Variants in PASK observed in about 807,000 individuals in gnomAD.
The protein encoded by PASK is PAS domain-containing serine/threonine-protein kinase.
Under a neutral mutation model 121.0 loss-of-function variants are expected in PASK, and 110 were observed. The ratio of observed to expected loss-of-function variants is 0.91; its 90% CI spans 0.78 to 1.06. The LOEUF (loss-of-function observed/expected upper bound fraction) is 1.06. PASK is among the 50% of genes least tolerant of loss of function. PASK has a pLI of 0.00. For missense variants in PASK, 1,643 were observed against 1,702.3 expected, an observed-to-expected ratio of 0.97 and a Z score of 0.61; for synonymous variants, 686 against 717.8, an observed-to-expected ratio of 0.96 and a Z score of 0.71.
intron 12 of PASK, among the ~76,000 whole-genome samples, chr2:241,117,838 T>C (rs965027324): frequency 6.6e-6 from 1 of 152,164 alleles, no homozygotes; most frequent in Non-Finnish European, 1.5e-5. Context: ...AAGGACTGAA[T>C]GTATAGTACC....
chr2:241,129,254 G>GC (rs2066017406), intron 9 of PASK, among the ~76,000 whole-genome samples: 1 of 152,214 alleles, frequency 6.6e-6, no homozygotes, highest in South Asian at 2.1e-4. Context: ...AGGCCCCTGG[G>GC]CAGCACTGCA....
rs1465074532 is a variant in PASK at position 241,115,993 on chromosome 2, GGGGCCACCATCGGTCCTCA to G, written c.3073-599_3073-581del. 9.0e-4 allele frequency among the ~76,000 whole-genome samples: 101 copies of G among 111,836 alleles called. 5 individuals are homozygous for G. Among genetic ancestry groups the G allele is most frequent in the Middle Eastern group, 6.2e-3 (1 of 162 alleles). 73.4% of individuals were successfully genotyped at this position (111,836 alleles called of 152,430 possible). ...GGTCCTCAAGCATCCCATTACACCA[GGGGCCACCATCGGTCCTCA>G]AGCATCCCATTACGCCAGGGCCACC... On this transcript the variant is annotated intron_variant, in intron 12 of 17. Coordinates refer to ENST00000234040, the MANE Select transcript of PASK (RefSeq NM_015148.4).
rs2066621863 is a variant in PASK at position 241,139,897 on chromosome 2, C to A, written c.588G>T (p.Val196=). ...HMEADGHAAV[V]FGTVVDIISR... is the part of the protein sequence containing the mutation. ...CGCATCCACTCACCACCGTGCCAAA[C>A]ACCACCGCAGCGTGGCCGTCGGCCT... The change falls in exon 4 of 18, where the codon GTG becomes GTT. Residue 196 remains valine, a synonymous_variant. Coordinates refer to ENST00000234040, the MANE Select transcript of PASK (RefSeq NM_015148.4). 5 of 1,614,172 alleles carry A rather than the reference C, an allele frequency of 3.1e-6. No homozygotes were observed. In the Admixed American group the frequency reaches 6.7e-5, roughly 22 times the overall value.
At chr2:241,135,512 T>C (rs2066369696) in intron 8 of PASK, among the ~76,000 whole-genome samples, 1 of 152,142 alleles carries the variant, frequency 6.6e-6, no homozygotes, top group Non-Finnish European at 1.5e-5. Context: ...GGTAATCCGA[T>C]ATGCTACATG....
At chr2:241,129,019 C>T (rs1370192948) in intron 9 of PASK, among the ~76,000 whole-genome samples, 2 of 118,002 alleles carry the variant, frequency 1.7e-5, no homozygotes. Context: ...CCATGTCTCC[C>T]GCCTCTCTCC....
At chr2:241,127,829 G>A in intron 9 of PASK, 1 of 355,316 alleles carries the variant, frequency 2.8e-6, no homozygotes, top group Admixed American at 3.9e-5. Context: ...GGAGGTGTGA[G>A]AGGAAACGAG....
intron 1 of PASK, among the ~76,000 whole-genome samples, chr2:241,144,147 AGC>A (rs1240252158): frequency 1.3e-5 from 2 of 150,882 alleles, no homozygotes; most frequent in African/African-American, 4.9e-5. Flanking sequence ...TGTGTACATG[AGC>A]GTGTGTGTGT....
At chr2:241,135,594 G>T (rs1414321366) in intron 8 of PASK, among the ~76,000 whole-genome samples, 2 of 151,950 alleles carry the variant, frequency 1.3e-5, no homozygotes, top group Admixed American at 1.3e-4. Flanking sequence ...GCTGTGTCTC[G>T]GATGCTGTGT....
At chr2:241,118,721 C>T in intron 12 of PASK, 1 of 215,824 alleles carries the variant, frequency 4.6e-6, no homozygotes, top group Non-Finnish European at 9.6e-6. Flanking sequence ...TTCTGCTTCC[C>T]AGTCTTCAGG....
rs550675198 is a variant in PASK, at chr2:241,108,048, G to T, written c.3667+119C>A. 1.0e-6 allele frequency: 1 copy of T among 984,392 alleles called. No individual in the cohort carries two copies. The highest frequency in any genetic ancestry group is 1.7e-5 in the Admixed American group (1 of 58,150). The allele number at this position is 984,392 out of a possible 1,614,324, so 61.0% of individuals were successfully genotyped here. A position where few individuals can be genotyped will look rare whatever the true frequency, so the allele number is the denominator to read the frequency against. ...TGCAAATTATTTGATGAATAGAAAA[G>T]AAACAAATGAGACTGTTGATATGGA... is the stretch of plus-strand genomic sequence containing the variant. On this transcript the variant is annotated intron_variant, in intron 16 of 17. Transcript: ENST00000234040. This position sits in a 1 kb window ranked among gnomAD's most constrained non-coding sequence, Gnocchi z 5.2.
At chr2:241,149,843 C>T (rs905337705), upstream of PASK, 2 of 1,488,808 alleles carry the variant, frequency 1.3e-6, no homozygotes, top group African/African-American at 2.8e-5. Context: ...GAACGACTTG[C>T]AAGGGGAGCC....
Position 241,107,334 on chromosome 2 carries a change from G to A in PASK, c.3814+19C>T, listed in dbSNP as rs1221306742. The stretch of plus-strand genomic sequence containing the variant: ...CCAAGTGAAGTCATGTGGGGTGGAG[G>A]GATGCTGAGAAGCCTCACCTGGCTT... On this transcript the variant is annotated intron_variant, in intron 17 of 17. Transcript: ENST00000234040. 1 of 1,609,642 alleles carries A rather than the reference G, an allele frequency of 6.2e-7. No individual in the cohort carries two copies. The highest frequency in any genetic ancestry group is 1.1e-5 in the South Asian group (1 of 90,970).
At position 241,126,841 on chromosome 2, in the gene PASK, C is replaced by T. The variant is rs781679866; in HGVS notation, c.2074G>A (p.Ala692Thr). ...CCCAGATCGCAGGACGACACAGGAG[C>T]GGTGACAGCCTGGCACTCTGTCGGA... Reference protein sequence around the residue: ...LVPTECQAVTAPVSSCDLGGR... With the variant: ...LVPTECQAVTTPVSSCDLGGR... Residue 692 changes from alanine to threonine, a missense_variant, in exon 10 of 18, where the codon GCT becomes ACT. Physicochemically the swap from Ala to Thr is moderately conservative, Grantham distance 58. This residue lies in a region of PASK where 1,176 missense variants were observed against 1,162.2 expected (regional missense o/e 1.01). Coordinates refer to ENST00000234040, the MANE Select transcript of PASK (RefSeq NM_015148.4). 11 of 1,612,650 alleles carry T rather than the reference C, an allele frequency of 6.8e-6. No individual in the cohort carries two copies. Among genetic ancestry groups the T allele is most frequent in the African/African-American group, 1.3e-5 (1 of 74,896 alleles).
intron 12 of PASK, among the ~76,000 whole-genome samples, chr2:241,119,468 C>CTT (rs36113805): frequency 0.032 from 4,327 of 134,176 alleles, 274 homozygotes; most frequent in African/African-American, 0.11. Flanking sequence ...CAAGATGCTT[C>CTT]TTTTTTTTTT....
chr2:241,127,786 A>C, intron 9 of PASK: 3 of 382,516 alleles, frequency 7.8e-6, no homozygotes, highest in Non-Finnish European at 1.5e-5. Flanking sequence ...CCTCGGCCCC[A>C]CCTGCAAGGG....
chr2:241,112,612 A>C lies in PASK; in HGVS notation c.3334-173T>G. The C allele has an allele frequency of 3.4e-6, 2 of 593,570 alleles. No individual in the cohort carries two copies. The highest frequency in any genetic ancestry group is 5.9e-6 in the Non-Finnish European group (2 of 337,118). The allele number at this position is 593,570 out of a possible 1,614,324, so 36.8% of individuals were successfully genotyped here. A position where few individuals can be genotyped will look rare whatever the true frequency, so the allele number is the denominator to read the frequency against. On this transcript the variant is annotated intron_variant, in intron 14 of 17. Transcript: ENST00000234040. This position sits in a 1 kb window ranked among gnomAD's most constrained non-coding sequence, Gnocchi z 5.2. ...GAAGATATGATTGGAAGCAAACAGG[A>C]AACAAAGCCCTTCAGGAGGCGTGTT...
At chr2:241,138,484 G>A (rs1480550589) in intron 5 of PASK, among the ~76,000 whole-genome samples, 170 bp downstream of exon 5, 1 of 152,220 alleles carries the variant, frequency 6.6e-6, no homozygotes, top group Non-Finnish European at 1.5e-5. Flanking sequence ...TAGGAAGTTC[G>A]TTCCCTGCCC....
rs1163211064 is a variant in PASK at position 241,108,148 on chromosome 2, A to G, written c.3667+19T>C. 3.7e-6 allele frequency: 6 copies of G among 1,613,914 alleles called. No homozygotes were observed. In the South Asian group the frequency reaches 4.4e-5, roughly 12 times the overall value. On this transcript the variant is annotated intron_variant, in intron 16 of 17. Transcript: ENST00000234040. This position sits in a 1 kb window ranked among gnomAD's most constrained non-coding sequence, Gnocchi z 5.2. Reference sequence around the variant, plus strand: ...CTAAGGACAGTGTCGACTGTCTACCACTTGCAGCTCACGCTCACCTTTGGA... The same window carrying G: ...CTAAGGACAGTGTCGACTGTCTACCGCTTGCAGCTCACGCTCACCTTTGGA...
rs149738932 is a variant in PASK at position 241,124,022 on chromosome 2, C to G, written c.2831G>C (p.Arg944Pro). ...HSQRDSAARTRLFLASLPGST... is the reference protein window; with the variant it reads ...HSQRDSAARTPLFLASLPGST... ...GCCGGGCAGGCTGGCAAGGAACAGG[C>G]GGGTCCTGGCGGCTGAGTCGCGTTG... is the stretch of plus-strand genomic sequence containing the variant. Residue 944 changes from arginine to proline, a missense_variant, in exon 11 of 18, where the codon CGC becomes CCC. Around this residue, in one of 3 missense-constraint regions of PASK, gnomAD observed 453 missense variants for 511.2 expected, o/e 0.89. Coordinates refer to ENST00000234040, the MANE Select transcript of PASK (RefSeq NM_015148.4). 1.2e-6 allele frequency: 2 copies of G among 1,613,768 alleles called. No homozygotes were observed. Among genetic ancestry groups the G allele is most frequent in the Admixed American group, 1.7e-5 (1 of 60,016 alleles).
Sources: gnomAD v4.1 joint callset for allele counts (sites outside exome capture counted in the v4.1 genomes callset) on GRCh38, gnomAD v4.1.1 for gene constraint, gnomAD v4.1.1 regional missense constraint, Gnocchi (gnomAD v3.1) non-coding constraint, MANE v1.5 for transcripts, NCBI Gene and HGNC (gene_info 2026-07-23, HGNC 2026-07-21) for gene names.